The following RBM47 variants were observed in gnomAD, a reference collection of about 807,000 sequenced individuals.
The protein encoded by RBM47 is RNA binding motif protein 47.
Under a neutral mutation model 47.1 loss-of-function variants are expected in RBM47, and 21 were observed. That is an observed-to-expected ratio of 0.45 (90% CI 0.32 to 0.64). The LOEUF is 0.64. RBM47 is among the 30% of genes least tolerant of loss of function. RBM47 has a pLI of 0.05. For missense variants in RBM47, 708 were observed against 870.9 expected (o/e 0.81, Z 2.35); for synonymous variants, 375 against 361.7 (o/e 1.04, Z -0.42).
At chr4:40,617,533 T>C (rs1024201587) in intron 1 of RBM47, among the ~76,000 whole-genome samples, 1 of 152,024 alleles carries the variant, frequency 6.6e-6, no homozygotes, top group Non-Finnish European at 1.5e-5. Context: ...CACTCCAGCC[T>C]GGTGACAGAG....
intron 2 of RBM47, among the ~76,000 whole-genome samples, chr4:40,470,871 T>C (rs773119508): frequency 4.6e-5 from 7 of 152,160 alleles, no homozygotes; most frequent in Non-Finnish European, 7.4e-5. Context: ...GCCTCCCACG[T>C]AGCTGGGATT....
intron 3 of RBM47, among the ~76,000 whole-genome samples, chr4:40,442,346 T>C (rs1159920941): frequency 6.6e-6 from 1 of 152,152 alleles, no homozygotes; most frequent in African/African-American, 2.4e-5. Flanking sequence ...AGGATAGTTA[T>C]TATAAAAACA....
intron 2 of RBM47, among the ~76,000 whole-genome samples, chr4:40,525,424 C>G (rs1726605130): frequency 6.6e-6 from 1 of 152,132 alleles, no homozygotes; most frequent in Non-Finnish European, 1.5e-5. Context: ...CTGTCACAAA[C>G]AAAGTGATAA....
chr4:40,481,028 A>C (rs1720310618), intron 2 of RBM47, among the ~76,000 whole-genome samples: 1 of 152,150 alleles, frequency 6.6e-6, no homozygotes, highest in Non-Finnish European at 1.5e-5. Context: ...CAAGGCAGTC[A>C]GGTTAACAAG....
At chr4:40,529,515 C>CA (rs56381747) in intron 2 of RBM47, among the ~76,000 whole-genome samples, 3,373 of 18,340 alleles carry the variant, frequency 0.18, 1,202 homozygotes, top group Non-Finnish European at 0.22. Context: ...GACTCTGTCA[C>CA]AAAAAAAAAA....
rs762027170 is a variant in RBM47 at position 40,438,554 on chromosome 4, C to A, written c.340G>T (p.Ala114Ser). 7 of 1,613,928 alleles carry A rather than the reference C, an allele frequency of 4.3e-6. No homozygotes were observed. In the Admixed American group the frequency reaches 8.3e-5, roughly 19 times the overall value. The part of the protein sequence containing the change: ...MDFDGKNRGY[A>S]FVMYCHKHEA... ...TGCTTGTGGCAGTACATGACGAAGG[C>A]GTAGCCGCGGTTCTTGCCGTCAAAG... Residue 114 changes from alanine to serine, a missense_variant, in exon 4 of 7, where the codon GCC becomes TCC. Physicochemically the swap from Ala to Ser is moderately conservative, Grantham distance 99. Coordinates refer to ENST00000295971, the MANE Select transcript of RBM47 (RefSeq NM_001098634.2).
chr4:40,535,374 T>TTTTTTTTTTTTTTTTCTTTTTTC, intron 2 of RBM47, among the ~76,000 whole-genome samples: 10 of 130,464 alleles, frequency 7.7e-5, no homozygotes, highest in East Asian at 2.3e-4. Flanking sequence ...GGTATTTCTT[T>TTTTTTTTTTTTTTTTCTTTTTTC]TTTTTTTTTT....
intron 2 of RBM47, among the ~76,000 whole-genome samples, chr4:40,494,733 A>T (rs1722348915): frequency 6.6e-6 from 1 of 152,190 alleles, no homozygotes; most frequent in East Asian, 1.9e-4. Flanking sequence ...CAGGTGTGGT[A>T]CCATGAGGGT....
At chr4:40,458,525 T>C (rs765646862) in intron 3 of RBM47, among the ~76,000 whole-genome samples, 4 of 152,226 alleles carry the variant, frequency 2.6e-5, no homozygotes, top group South Asian at 2.1e-4. Flanking sequence ...TTAAGTTTAA[T>C]GTGGGGTATT....
At chr4:40,518,337 C>T (rs557808315) in intron 2 of RBM47, among the ~76,000 whole-genome samples, 91 of 151,712 alleles carry the variant, frequency 6.0e-4, no homozygotes, top group Non-Finnish European at 1.0e-3. Context: ...CCACCACACC[C>T]GGCTAATTTT....
chr4:40,435,988 C>G (rs1712277043), intron 5 of RBM47, among the ~76,000 whole-genome samples: 1 of 128,730 alleles, frequency 7.8e-6, no homozygotes, highest in African/African-American at 2.9e-5. Flanking sequence ...GAAACCCCAT[C>G]TCTACTAAAA....
intron 1 of RBM47, among the ~76,000 whole-genome samples, chr4:40,625,119 A>T (rs896509676): frequency 1.3e-5 from 2 of 152,088 alleles, no homozygotes; most frequent in Non-Finnish European, 2.9e-5. Flanking sequence ...AAGTGCTGGG[A>T]TTACAGACAT....
chr4:40,554,080 G>A (rs1162425554), intron 1 of RBM47, among the ~76,000 whole-genome samples: 2 of 150,958 alleles, frequency 1.3e-5, no homozygotes, highest in Non-Finnish European at 2.9e-5. Context: ...ATTCATCTCC[G>A]CAACCCCAGG....
chr4:40,468,604 A>G (rs751863809), intron 2 of RBM47, among the ~76,000 whole-genome samples: 4 of 152,242 alleles, frequency 2.6e-5, no homozygotes, highest in Non-Finnish European at 5.9e-5. Flanking sequence ...TTATAGCTCA[A>G]AATTATTCTG....
intron 2 of RBM47, among the ~76,000 whole-genome samples, chr4:40,529,116 G>A (rs914513168): frequency 8.5e-5 from 13 of 152,128 alleles, no homozygotes; most frequent in South Asian, 4.1e-4. Flanking sequence ...GAAATGTGCC[G>A]CTGGCTACCA....
At chr4:40,587,107 C>T (rs944457192) in intron 1 of RBM47, among the ~76,000 whole-genome samples, 2 of 152,048 alleles carry the variant, frequency 1.3e-5, no homozygotes, top group African/African-American at 2.4e-5. Flanking sequence ...GAGGGGTCCA[C>T]CTGGGGTGCA....
rs560844599 is a variant in RBM47, at chr4:40,478,685, G to C, written c.-154-11986C>G. On this transcript the variant is annotated intron_variant, in intron 2 of 6. Coordinates refer to ENST00000295971, the MANE Select transcript of RBM47 (RefSeq NM_001098634.2). ...TTTCTTATTTTTAGAGACAGGTCTTGCTATGTTACCCAGGCTGGTCTCGAA... is the reference window on the plus strand; with the variant it reads ...TTTCTTATTTTTAGAGACAGGTCTTCCTATGTTACCCAGGCTGGTCTCGAA... Among the ~76,000 whole-genome samples, 3 of 152,192 alleles carry C rather than the reference G, an allele frequency of 2.0e-5. No homozygotes were observed. In the South Asian group the frequency reaches 6.2e-4, roughly 32 times the overall value.
intron 3 of RBM47, among the ~76,000 whole-genome samples, chr4:40,456,571 C>CTTTTTTTTTTTTTTTTTTTTTTTTTCT (rs34320480): frequency 8.9e-6 from 1 of 112,578 alleles, no homozygotes; most frequent in African/African-American, 3.5e-5. Context: ...TTTCTTTTTT[C>CTTTTTTTTTTTTTTTTTTTTTTTTTCT]TTTTTTTTTT....
chr4:40,476,097 C>T (rs959004873), intron 2 of RBM47, among the ~76,000 whole-genome samples: 4 of 152,120 alleles, frequency 2.6e-5, no homozygotes, highest in Non-Finnish European at 5.9e-5. Flanking sequence ...GTCCACCATC[C>T]TAGAACCAGA....
Sources: allele counts gnomAD v4.1 joint callset (sites outside exome capture counted in the v4.1 genomes callset), GRCh38; gene constraint gnomAD v4.1.1; transcripts MANE v1.5; gene names NCBI Gene and HGNC (gene_info 2026-07-23, HGNC 2026-07-21).